The following RERE variants were observed in gnomAD, a reference collection of about 807,000 sequenced individuals.
The protein encoded by RERE is arginine-glutamic acid dipeptide repeats.
Under a neutral mutation model 146.1 loss-of-function variants are expected in RERE, and 40 were observed. The observed-to-expected ratio is 0.27, with a 90% CI of 0.21 to 0.36. The LOEUF (loss-of-function observed/expected upper bound fraction) is 0.36, where lower values mean the gene tolerates loss of function less well. Ranked by LOEUF, RERE falls within the 10% of genes least tolerant of loss-of-function variation. The pLI, the probability that RERE is intolerant of heterozygous loss-of-function variation, is 1.00. For missense variants in RERE, 1,933 were observed against 2,138.7 expected, an observed-to-expected ratio of 0.90 and a Z score of 1.90; for synonymous variants, 1,003 against 866.0, an observed-to-expected ratio of 1.16 and a Z score of -2.78.
At chr1:8,506,240 G>A (rs760995341) in intron 8 of RERE, among the ~76,000 whole-genome samples, 12 of 152,172 alleles carry the variant, frequency 7.9e-5, no homozygotes, top group Non-Finnish European at 1.8e-4. Context: ...CAGCCCCGAG[G>A]TGGCAGTCAG....
chr1:8,645,352 GA>G (rs1647262649), intron 2 of RERE, among the ~76,000 whole-genome samples: 1 of 152,156 alleles, frequency 6.6e-6, no homozygotes, highest in Admixed American at 6.6e-5. Context: ...CTCAAGCCAT[GA>G]AATCACATAT....
intron 4 of RERE, among the ~76,000 whole-genome samples, chr1:8,594,646 T>C (rs947955784): frequency 2.0e-5 from 3 of 152,162 alleles, no homozygotes; most frequent in African/African-American, 7.2e-5. Flanking sequence ...TAATACTAGA[T>C]GTAAATACAA....
intron 7 of RERE, among the ~76,000 whole-genome samples, chr1:8,509,587 C>T (rs1170565049): frequency 3.3e-5 from 5 of 152,282 alleles, no homozygotes; most frequent in Non-Finnish European, 7.4e-5. Context: ...GCGGGAGGAT[C>T]GCTTGAGCCC....
chr1:8,425,967 G>A lies in RERE; in HGVS notation c.1204-3160C>T, dbSNP rs545532459. ...GACAAGGAAGCTGAGGCACAGATAG[G>A]TAACTAGATCAACTCCTCAGAGACA... On this transcript the variant is annotated intron_variant, in intron 11 of 22. Coordinates refer to ENST00000400908, the MANE Select transcript of RERE (RefSeq NM_001042681.2). 3.3e-5 allele frequency among the ~76,000 whole-genome samples: 5 copies of A among 152,196 alleles called. No homozygotes were observed. In the South Asian group the frequency reaches 6.2e-4, roughly 19 times the overall value.
intron 7 of RERE, among the ~76,000 whole-genome samples, chr1:8,533,732 A>C (rs2124374973): frequency 6.6e-6 from 1 of 152,302 alleles, no homozygotes; most frequent in African/African-American, 2.4e-5. Context: ...TTACTGCTTT[A>C]GTTTTCAGTT....
rs759826702 is a variant in RERE, at chr1:8,358,899, C to A, written c.3636G>T (p.Ala1212=). Residue 1212 remains alanine (A), a synonymous_variant, in exon 20 of 23, where the codon GCG becomes GCT. Coordinates refer to ENST00000400908, the MANE Select transcript of RERE (RefSeq NM_001042681.2). ...GTGGGTCACTGAGGCGACCTTCATGCGCTGAGCTGGACGCCTTCTGCAGAA... is the reference window on the plus strand; with the variant it reads ...GTGGGTCACTGAGGCGACCTTCATGAGCTGAGCTGGACGCCTTCTGCAGAA... ...AERAAKASSS[A]HEGRLSDPQL... 7 of 1,543,906 alleles carry A rather than the reference C, an allele frequency of 4.5e-6. No homozygotes were observed. Among genetic ancestry groups the A allele is most frequent in the East Asian group, 4.5e-5 (2 of 44,040 alleles).
At position 8,394,282 on chromosome 1, in the gene RERE, C is replaced by A. The variant is rs111322301; in HGVS notation, c.1285-28308G>T. Among the ~76,000 whole-genome samples, 228 of 152,344 alleles carry A rather than the reference C, an allele frequency of 1.5e-3. 1 individual carries two copies. The highest frequency in any genetic ancestry group is 5.0e-3 in the African/African-American group (206 of 41,576). On this transcript the variant is annotated intron_variant, in intron 12 of 22. Transcript: ENST00000400908. ...CATTATTAAAAAGCTTCACCAAAATCTTGATTGGAAGTATGCTAAACATAC... is the reference window on the plus strand; with the variant it reads ...CATTATTAAAAAGCTTCACCAAAATATTGATTGGAAGTATGCTAAACATAC...
intron 18 of RERE, 61 bp downstream of exon 18, chr1:8,360,051 C>CCCCCCAA: frequency 6.3e-7 from 1 of 1,588,822 alleles, no homozygotes; most frequent in Non-Finnish European, 8.6e-7. Flanking sequence ...TCCCTCCCAC[C>CCCCCCAA]AGAACTTGCC....
At chr1:8,497,682 A>G (rs1180592729) in intron 8 of RERE, among the ~76,000 whole-genome samples, 153 bp from the exon 9 acceptor site, 1 of 152,198 alleles carries the variant, frequency 6.6e-6, no homozygotes, top group Non-Finnish European at 1.5e-5. Context: ...AGTCATTTAA[A>G]CTGACCTATT....
chr1:8,735,333 T>C (rs747714117), intron 1 of RERE, among the ~76,000 whole-genome samples: 2 of 152,192 alleles, frequency 1.3e-5, no homozygotes, highest in Non-Finnish European at 2.9e-5. Flanking sequence ...CATGGTACTG[T>C]AGGTGGGCTA....
intron 12 of RERE, among the ~76,000 whole-genome samples, chr1:8,401,787 C>T (rs1643270635): frequency 6.6e-6 from 1 of 151,910 alleles, no homozygotes; most frequent in Non-Finnish European, 1.5e-5. Context: ...ACTTTCCCTT[C>T]CCTTGAATGT....
At chr1:8,514,705 GC>G (rs994050272) in intron 7 of RERE, among the ~76,000 whole-genome samples, 4 of 150,374 alleles carry the variant, frequency 2.7e-5, no homozygotes, top group African/African-American at 9.8e-5. Context: ...TCCAGCCTGG[GC>G]AAAAAAAGAA....
At chr1:8,460,789 T>C (rs1644516884) in intron 11 of RERE, among the ~76,000 whole-genome samples, 1 of 152,180 alleles carries the variant, frequency 6.6e-6, no homozygotes, top group South Asian at 2.1e-4. Context: ...TGAAAATAAT[T>C]TTAAAAACCA....
intron 7 of RERE, among the ~76,000 whole-genome samples, chr1:8,514,807 G>A (rs1038244295): frequency 6.6e-5 from 10 of 152,020 alleles, no homozygotes; most frequent in Non-Finnish European, 1.3e-4. Context: ...ATAATAATGA[G>A]GTCCACAAGC....
intron 1 of RERE, among the ~76,000 whole-genome samples, chr1:8,703,603 A>G (rs748280704): frequency 2.0e-5 from 3 of 152,180 alleles, no homozygotes; most frequent in Non-Finnish European, 2.9e-5. Flanking sequence ...CCCCTCCGAC[A>G]GCCGGAACTG....
At chr1:8,484,322 G>GA (rs1557652771) in intron 10 of RERE, among the ~76,000 whole-genome samples, 2 of 151,848 alleles carry the variant, frequency 1.3e-5, no homozygotes, top group African/African-American at 4.8e-5. Flanking sequence ...ACTGTATGAG[G>GA]AAACACACAC....
At chr1:8,690,072 T>C (rs545376581) in intron 1 of RERE, among the ~76,000 whole-genome samples, 5 of 152,318 alleles carry the variant, frequency 3.3e-5, no homozygotes, top group Non-Finnish European at 5.9e-5. Context: ...AAATTTATGC[T>C]CTGTATTAGT....
intron 7 of RERE, chr1:8,511,736 C>G (rs1645337843): frequency 6.6e-6 from 1 of 152,070 alleles, no homozygotes; most frequent in African/African-American, 2.4e-5. Context: ...AACTAAGTAT[C>G]CCTCCCCTGC....
At chr1:8,614,996 A>G (rs1646834213) in intron 3 of RERE, among the ~76,000 whole-genome samples, 1 of 152,258 alleles carries the variant, frequency 6.6e-6, no homozygotes, top group Non-Finnish European at 1.5e-5. Context: ...AAGCACAGTT[A>G]ACAGCAACAT....
Sources: gnomAD v4.1 joint callset for allele counts (sites outside exome capture counted in the v4.1 genomes callset) on GRCh38, gnomAD v4.1.1 for gene constraint, MANE v1.5 for transcripts, NCBI Gene and HGNC (gene_info 2026-07-23, HGNC 2026-07-21) for gene names.